Variants in SLC19A1 observed in about 807,000 individuals in gnomAD.
SLC19A1 encodes reduced folate transporter.
Under a neutral mutation model 35.3 loss-of-function variants are expected in SLC19A1, and 37 were observed. That is an observed-to-expected ratio of 1.05 (90% CI 0.81 to 1.38). The LOEUF is 1.38. Among genes scored for constraint, SLC19A1 ranks in the 40% most tolerant of loss-of-function variants. The pLI is 0.00. For synonymous variants in SLC19A1, 460 were observed against 398.5 expected, an observed-to-expected ratio of 1.15 and a Z score of -1.84; for missense variants, 831 against 826.9, an observed-to-expected ratio of 1.00 and a Z score of -0.06.
In SLC19A1 at chr21:45,540,314, C is replaced by G. The variant is rs192789725; in HGVS notation, c.-50+2054G>C. On this transcript the variant is annotated intron_variant, in intron 1 of 5. Transcript: ENST00000311124. The surrounding 1 kb of genome is among the most constrained non-coding windows in gnomAD (Gnocchi z 5.5). ...AGAGCAACCAGATCGCCGCAGACAA[C>G]GGGGAGCCATCAGGAGCTGAACTAA... 6.6e-6 allele frequency among the ~76,000 whole-genome samples: 1 copy of G among 152,178 alleles called. No individual in the cohort carries two copies. The highest frequency in any genetic ancestry group is 1.5e-5 in the Non-Finnish European group (1 of 68,032).
intron 3 of SLC19A1, 36 bp from the exon 4 acceptor site, chr21:45,531,007 G>A: frequency 7.3e-7 from 1 of 1,369,724 alleles, no homozygotes; most frequent in Non-Finnish European, 9.5e-7. Context: ...CAGCGGCCCT[G>A]GGGGGCCACG....
rs1422480359 is a variant in SLC19A1, at chr21:45,530,368, GT to G, written c.1151+401del. ...GCATGTGGTGTGTTCATGAGTGTGT[GT>G]GTGTCCATGTGTGAGCGTGTGGTGT... is the stretch of plus-strand genomic sequence containing the variant. On this transcript the variant is annotated intron_variant, in intron 4 of 5. Transcript: ENST00000311124. This position sits in a 1 kb window ranked among gnomAD's most constrained non-coding sequence, Gnocchi z 5.3. Among the ~76,000 whole-genome samples the G allele has an allele frequency of 5.7e-4, 87 of 151,746 alleles. 1 individual carries two copies. The highest frequency in any genetic ancestry group is 2.1e-3 in the African/African-American group (87 of 41,278).
At position 45,515,605 on chromosome 21, in the gene SLC19A1, C is replaced by A. The variant is rs1031973174; in HGVS notation, c.*53G>T. 4.3e-5 allele frequency: 69 copies of A among 1,607,856 alleles called. No individual in the cohort carries two copies. The highest frequency in any genetic ancestry group is 5.3e-5 in the Non-Finnish European group (62 of 1,179,188). On this transcript the variant is annotated 3_prime_UTR_variant, in exon 6 of 6. Coordinates refer to ENST00000311124, the MANE Select transcript of SLC19A1 (RefSeq NM_194255.4). ...GGCAGGCGGCCCTCGAGGCAGGGGT[C>A]GTGGGGATGCACTGAGGGCCGCCTG...
downstream of SLC19A1, chr21:45,510,364 C>T (rs991774953): frequency 2.3e-5 from 30 of 1,298,216 alleles, no homozygotes; most frequent in Non-Finnish European, 2.9e-5. Flanking sequence ...TGGAGGCCAC[C>T]ATGTTACAGA....
In SLC19A1 at chr21:45,533,405, T is replaced by C. The variant is rs2078001548; in HGVS notation, c.190-1257A>G. Reference sequence around the variant, plus strand: ...GTCTTGGCAGGGGCCAGGGCTGCTGTGGGCACACCTGGGCACACCTGGGCA... The same window carrying C: ...GTCTTGGCAGGGGCCAGGGCTGCTGCGGGCACACCTGGGCACACCTGGGCA... On this transcript the variant is annotated intron_variant, in intron 2 of 5. Coordinates refer to ENST00000311124, the MANE Select transcript of SLC19A1 (RefSeq NM_194255.4). The surrounding 1 kb of genome is among the most constrained non-coding windows in gnomAD (Gnocchi z 4.5). Among the ~76,000 whole-genome samples, 1 of 148,016 alleles carries C rather than the reference T, an allele frequency of 6.8e-6. No individual in the cohort carries two copies. The highest frequency in any genetic ancestry group is 1.5e-5 in the Non-Finnish European group (1 of 67,802).
At chr21:45,504,303 A>G in intron 3 of SLC19A1, 2 of 1,111,716 alleles carry the variant, frequency 1.8e-6, no homozygotes, top group South Asian at 1.5e-5. Context: ...AGCAGCTCCC[A>G]GGCCTGGGCT....
chr21:45,523,583 A>G (rs755716715), intron 5 of SLC19A1, among the ~76,000 whole-genome samples: 4 of 152,214 alleles, frequency 2.6e-5, no homozygotes, highest in Admixed American at 2.0e-4. Context: ...CAGGGCAGCT[A>G]CAGGGGAGCA....
downstream of SLC19A1, among the ~76,000 whole-genome samples, chr21:45,509,156 C>T (rs550729686): frequency 7.9e-5 from 12 of 152,160 alleles, no homozygotes; most frequent in East Asian, 1.2e-3. Flanking sequence ...AGGTGACCCG[C>T]GATCCGGCGC....
chr21:45,551,202 C>T (rs971918587), intron 1 of SLC19A1, among the ~76,000 whole-genome samples: 7 of 151,586 alleles, frequency 4.6e-5, no homozygotes, highest in Admixed American at 3.9e-4. Flanking sequence ...TGCAGTGAGC[C>T]GAGACACTGC....
intron 3 of SLC19A1, among the ~76,000 whole-genome samples, chr21:45,503,192 G>A (rs1418157151): frequency 6.6e-6 from 1 of 152,188 alleles, no homozygotes; most frequent in African/African-American, 2.4e-5. Flanking sequence ...CACCAACAGT[G>A]TAAAAGTGTT....
rs1273695068 is a variant in SLC19A1 at position 45,531,626 on chromosome 21, G to A, written c.712C>T (p.Leu238=). 1 of 1,612,202 alleles carries A rather than the reference G, an allele frequency of 6.2e-7. No individual in the cohort carries two copies. The highest frequency in any genetic ancestry group is 1.1e-5 in the South Asian group (1 of 91,062). ...ERMNPGPGGK[L]GHALRVACGD... ...CAGGCCACCCGCAGGGCGTGTCCCA[G>A]CTTCCCGCCTGGGCCAGGATTCATG... Residue 238 remains leucine, a synonymous_variant, in exon 3 of 6, where the codon CTG becomes TTG. Coordinates refer to ENST00000311124, the MANE Select transcript of SLC19A1 (RefSeq NM_194255.4).
Position 45,503,648 on chromosome 21 carries a change from A to AG in SLC19A1, c.498-5037dup, listed in dbSNP as rs1399435227. 6.0e-4 allele frequency among the ~76,000 whole-genome samples: 34 copies of AG among 56,320 alleles called. 1 individual carries two copies. The East Asian group carries it at 0.014, about 24-fold the overall frequency. 36.9% of individuals were successfully genotyped at this position (56,320 alleles called of 152,430 possible). A position where few individuals can be genotyped will look rare whatever the true frequency, so the allele number is the denominator to read the frequency against. On this transcript the variant is annotated intron_variant, in intron 3 of 4. Coordinates refer to the SLC19A1 transcript ENST00000417954. ...CTGGGGACTGTTGTGGGGTGGGGGG[A>AG]GGGGGGAGGGATAGCATTGGGAGAT... is the stretch of plus-strand genomic sequence containing the variant.
At position 45,540,268 on chromosome 21, in the gene SLC19A1, C is replaced by A. The variant is rs369742975; in HGVS notation, c.-50+2100G>T. Among the ~76,000 whole-genome samples the A allele has an allele frequency of 6.6e-5, 10 of 152,288 alleles. No individual in the cohort carries two copies. Among genetic ancestry groups the A allele is most frequent in the Admixed American group, 5.9e-4 (9 of 15,302 alleles). On this transcript the variant is annotated intron_variant, in intron 1 of 5. Transcript: ENST00000311124. This position sits in a 1 kb window ranked among gnomAD's most constrained non-coding sequence, Gnocchi z 5.5. ...CCACCTGTCAGCAGGTTTAGACAGG[C>A]GCACCGATCCCCAGACAACCAGAGC...
chr21:45,555,636 G>A (rs13053072), intron 1 of SLC19A1, among the ~76,000 whole-genome samples: 1 of 151,444 alleles, frequency 6.6e-6, no homozygotes, highest in Non-Finnish European at 1.5e-5. Flanking sequence ...TTGGGACTCA[G>A]GAGGGCGGGG....
At position 45,558,637 on chromosome 21, in the gene SLC19A1, G is replaced by A. The variant is rs1285632328; in HGVS notation, c.-50+4105C>T. Among the ~76,000 whole-genome samples the A allele has an allele frequency of 2.6e-5, 4 of 152,132 alleles. No individual in the cohort carries two copies. In the East Asian group the frequency reaches 5.8e-4, roughly 22 times the overall value. Reference sequence around the variant, plus strand: ...GCGAGGGCAGGCACAGGTAGGGAGCGGAGCTGCTACAGGAAGCCCTGCGGC... The same window carrying A: ...GCGAGGGCAGGCACAGGTAGGGAGCAGAGCTGCTACAGGAAGCCCTGCGGC... On this transcript the variant is annotated intron_variant, in intron 1 of 5. Transcript: ENST00000650808.
downstream of SLC19A1, chr21:45,512,334 C>T (rs375488894): frequency 2.3e-4 from 368 of 1,612,538 alleles, no homozygotes; most frequent in Non-Finnish European, 2.9e-4. Flanking sequence ...CAGAGTGCCG[C>T]GAGCTGCCAT....
At chr21:45,555,204 C>G (rs1366411786) in intron 1 of SLC19A1, among the ~76,000 whole-genome samples, 1 of 14,284 alleles carries the variant, frequency 7.0e-5, no homozygotes, top group Non-Finnish European at 1.2e-4. Context: ...GGGGGCGGCG[C>G]AGGGGGCGGT....
chr21:45,511,096 C>T (rs1568955010), downstream of SLC19A1: 8 of 1,451,612 alleles, frequency 5.5e-6, no homozygotes, highest in East Asian at 2.5e-5. Flanking sequence ...CACATACACA[C>T]GGTTTCTCTT....
intron 1 of SLC19A1, among the ~76,000 whole-genome samples, chr21:45,557,420 G>A (rs1299846840): frequency 1.3e-5 from 2 of 152,166 alleles, no homozygotes; most frequent in South Asian, 2.1e-4. Context: ...TGTGGCCCCA[G>A]CCTGGCCCTG....
Sources: allele counts gnomAD v4.1 joint callset (sites outside exome capture counted in the v4.1 genomes callset), GRCh38; gene constraint gnomAD v4.1.1; non-coding constraint Gnocchi (gnomAD v3.1); transcripts MANE v1.5; gene names NCBI Gene and HGNC (gene_info 2026-07-23, HGNC 2026-07-21).